Variants in IGF2BP3 observed in about 807,000 individuals in gnomAD.
The protein encoded by IGF2BP3 is insulin-like growth factor 2 mRNA-binding protein 3.
Under a neutral mutation model 73.8 loss-of-function variants are expected in IGF2BP3, and 9 were observed. That is an observed-to-expected ratio of 0.12 (90% CI 0.07 to 0.21). IGF2BP3 has a LOEUF of 0.21. Among genes scored for constraint, IGF2BP3 ranks in the 10% least tolerant of loss-of-function variants. IGF2BP3 has a pLI of 1.00. For missense variants in IGF2BP3, 542 were observed against 714.0 expected, an observed-to-expected ratio of 0.76 and a Z score of 2.75; for synonymous variants, 258 against 256.7, an observed-to-expected ratio of 1.01 and a Z score of -0.05.
At chr7:23,395,307 C>T (rs926587574) in intron 3 of IGF2BP3, among the ~76,000 whole-genome samples, 15 of 152,006 alleles carry the variant, frequency 9.9e-5, no homozygotes, top group South Asian at 2.1e-4. Context: ...ATAAAACACC[C>T]GCAATATACT....
At chr7:23,457,297 C>A (rs1788344912) in intron 2 of IGF2BP3, among the ~76,000 whole-genome samples, 2 of 151,862 alleles carry the variant, frequency 1.3e-5, no homozygotes, top group South Asian at 4.2e-4. Flanking sequence ...AACTCCGTCT[C>A]TACCAAAAAA....
At chr7:23,441,780 T>G (rs756054647) in intron 2 of IGF2BP3, among the ~76,000 whole-genome samples, 2 of 152,064 alleles carry the variant, frequency 1.3e-5, no homozygotes, top group African/African-American at 2.4e-5. Context: ...ATATTATACT[T>G]GTATCATTCA....
chr7:23,321,277 G>A (rs543365163), intron 10 of IGF2BP3, among the ~76,000 whole-genome samples: 1 of 152,354 alleles, frequency 6.6e-6, no homozygotes, highest in African/African-American at 2.4e-5. Context: ...AAGGGGTCAG[G>A]GAGTTCCCTT....
Position 23,351,533 on chromosome 7 carries a change from G to A in IGF2BP3, c.455C>T (p.Ala152Val), listed in dbSNP as rs1784962086. 2 of 1,614,062 alleles carry A rather than the reference G, an allele frequency of 1.2e-6. No individual in the cohort carries two copies. The highest frequency in any genetic ancestry group is 1.7e-6 in the Non-Finnish European group (2 of 1,180,008). Reference sequence around the variant, plus strand: ...GGCGGCCATTTCATCAGGGATATAGGCTACTTTCAAGGTGAAATTCTCTAA... The same window carrying A: ...GGCGGCCATTTCATCAGGGATATAGACTACTTTCAAGGTGAAATTCTCTAA... Reference protein sequence around the residue: ...FQLENFTLKVAYIPDEMAAQQ... With the variant: ...FQLENFTLKVVYIPDEMAAQQ... The change falls in exon 6 of 15, where the codon GCC becomes GTC. Residue 152 changes from alanine (A) to valine (V), a missense_variant. Transcript: ENST00000258729.
chr7:23,372,786 A>G (rs1785597778), intron 3 of IGF2BP3, among the ~76,000 whole-genome samples: 1 of 152,180 alleles, frequency 6.6e-6, no homozygotes, highest in Non-Finnish European at 1.5e-5. Context: ...GGCTGCTAAC[A>G]TTTGAGTGCT....
Position 23,317,683 on chromosome 7 carries a change from C to G in IGF2BP3, c.1351G>C (p.Val451Leu), listed in dbSNP as rs559286597. Residue 451 changes from valine (V) to leucine (L), a missense_variant, in exon 12 of 15, where the codon GTG becomes CTG. Coordinates refer to ENST00000258729, the MANE Select transcript of IGF2BP3 (RefSeq NM_006547.3). ...IAPAEAPDAK[V>L]RMVIITGPPE... ...GGTCCAGTGATAATCACCATCCTCA[C>G]TTTAGCATCTGGTGCTTCCGCTGGA... 4 of 1,614,182 alleles carry G rather than the reference C, an allele frequency of 2.5e-6. No individual in the cohort carries two copies. Among genetic ancestry groups the G allele is most frequent in the Non-Finnish European group, 3.4e-6 (4 of 1,179,988 alleles).
chr7:23,333,162 CAAGAT>C (rs1478590464), intron 10 of IGF2BP3, among the ~76,000 whole-genome samples: 3 of 152,176 alleles, frequency 2.0e-5, no homozygotes, highest in African/African-American at 4.8e-5. Flanking sequence ...ACTGAACACT[CAAGAT>C]AAGATGAAGC....
intron 2 of IGF2BP3, among the ~76,000 whole-genome samples, chr7:23,443,309 G>C (rs1056325888): frequency 1.3e-5 from 2 of 151,900 alleles, no homozygotes; most frequent in African/African-American, 2.4e-5. Flanking sequence ...ATTTTTAGTA[G>C]AGACAGGGTT....
chr7:23,446,879 A>C (rs1480386886), intron 2 of IGF2BP3, among the ~76,000 whole-genome samples: 2 of 152,150 alleles, frequency 1.3e-5, no homozygotes, highest in South Asian at 2.1e-4. Context: ...CACTGAAAGC[A>C]ATATCACTTC....
At chr7:23,422,459 G>A (rs532607862) in intron 2 of IGF2BP3, among the ~76,000 whole-genome samples, 1 of 152,272 alleles carries the variant, frequency 6.6e-6, no homozygotes, top group Admixed American at 6.5e-5. Context: ...GGATGCTGAG[G>A]TGGGAGAATC....
At chr7:23,372,320 C>A (rs1269814563) in intron 3 of IGF2BP3, among the ~76,000 whole-genome samples, 1 of 152,002 alleles carries the variant, frequency 6.6e-6, no homozygotes, top group African/African-American at 2.4e-5. Context: ...TGATCTGCCC[C>A]CCCTGGCCTC....
At chr7:23,346,165 G>T in intron 7 of IGF2BP3, 103 bp from the exon 8 acceptor site, 1 of 1,321,736 alleles carries the variant, frequency 7.6e-7, no homozygotes, top group Non-Finnish European at 1.0e-6. Context: ...CTACCATCTG[G>T]GAAGCACTGT....
intron 3 of IGF2BP3, chr7:23,415,488 T>A (rs923450036): frequency 4.0e-4 from 69 of 171,598 alleles, no homozygotes; most frequent in Non-Finnish European, 6.8e-4. Context: ...CATCCGCAGG[T>A]CCCCCTCCGT....
chr7:23,347,578 C>T (rs772527184), intron 7 of IGF2BP3, 22 bp downstream of exon 7: 8 of 1,604,746 alleles, frequency 5.0e-6, no homozygotes, highest in Non-Finnish European at 6.8e-6. Context: ...ACCTCTTTCA[C>T]AGGACAATCT....
At chr7:23,353,336 C>T (rs897103136) in intron 5 of IGF2BP3, among the ~76,000 whole-genome samples, 1 of 152,124 alleles carries the variant, frequency 6.6e-6, no homozygotes. Flanking sequence ...GGGCTAGGAC[C>T]TGGAAGGCAG....
intron 2 of IGF2BP3, among the ~76,000 whole-genome samples, chr7:23,430,525 C>T (rs980173957): frequency 2.6e-5 from 4 of 152,224 alleles, no homozygotes; most frequent in South Asian, 2.1e-4. Context: ...ATTTTCATTC[C>T]AGCTGTGCCG....
At chr7:23,386,928 A>T (rs901822089) in intron 3 of IGF2BP3, among the ~76,000 whole-genome samples, 1 of 151,902 alleles carries the variant, frequency 6.6e-6, no homozygotes, top group Non-Finnish European at 1.5e-5. Flanking sequence ...TTAAACAGGC[A>T]TGGTGGCAAG....
intron 3 of IGF2BP3, among the ~76,000 whole-genome samples, chr7:23,394,869 T>C (rs1369466373): frequency 2.0e-5 from 3 of 152,204 alleles, no homozygotes; most frequent in South Asian, 2.1e-4. Context: ...AAAGATACCA[T>C]GTAAATTATC....
At position 23,340,172 on chromosome 7, in the gene IGF2BP3, A is replaced by G. The variant is rs111518868; in HGVS notation, c.1203+1892T>C. On this transcript the variant is annotated intron_variant, in intron 10 of 14. Transcript: ENST00000258729. ...CTTTCTACCAGTCCCCTTTAGCATC[A>G]AAGTAAAAACATGCCAGCCACTTCA... Among the ~76,000 whole-genome samples, 519 of 152,270 alleles carry G rather than the reference A, an allele frequency of 3.4e-3. 2 individuals are homozygous for G. The highest frequency in any genetic ancestry group is 5.7e-3 in the Non-Finnish European group (390 of 68,020).
Sources: gnomAD v4.1 joint callset for allele counts (sites outside exome capture counted in the v4.1 genomes callset) on GRCh38, gnomAD v4.1.1 for gene constraint, MANE v1.5 for transcripts, NCBI Gene and HGNC (gene_info 2026-07-23, HGNC 2026-07-21) for gene names.